Variants in SH3GL3 observed in about 807,000 individuals in gnomAD.
The protein encoded by SH3GL3 is endophilin-A3.
A neutral mutation model predicts 47.7 loss-of-function variants in SH3GL3; 33 were observed. The ratio of observed to expected loss-of-function variants is 0.69; its 90% CI spans 0.52 to 0.92. The LOEUF is 0.92. Among genes scored for constraint, SH3GL3 ranks in the 40% least tolerant of loss-of-function variants. SH3GL3 has a pLI of 0.00. For synonymous variants in SH3GL3, 155 were observed against 148.8 expected (o/e 1.04, Z -0.30); for missense variants, 363 against 417.8 (o/e 0.87, Z 1.14).
In SH3GL3 at chr15:83,448,442, A is replaced by ATGTG. The variant is rs71156081; in HGVS notation, c.45+900_45+903dup. ...AAACAGGAGGGGAGACATGAAATTG[A>ATGTG]TGTGTGTGTGTGTGTGTGTGTGTGT... is the stretch of plus-strand genomic sequence containing the variant. On this transcript the variant is annotated intron_variant, in intron 1 of 8. Transcript: ENST00000427482. This position sits in a 1 kb window ranked among gnomAD's most constrained non-coding sequence, Gnocchi z 4.2. 0.046 allele frequency among the ~76,000 whole-genome samples: 6,507 copies of ATGTG among 140,650 alleles called. 176 individuals carry two copies. The highest frequency in any genetic ancestry group is 0.066 in the African/African-American group (2,390 of 36,376). The allele number at this position is 140,650 out of a possible 152,430, so 92.3% of individuals were successfully genotyped here.
chr15:83,460,848 G>T (rs1488131243), intron 1 of SH3GL3, among the ~76,000 whole-genome samples: 1 of 152,112 alleles, frequency 6.6e-6, no homozygotes, highest in Non-Finnish European at 1.5e-5. Context: ...ACTTTGGGAG[G>T]CCGTGGCAGG....
intron 1 of SH3GL3, among the ~76,000 whole-genome samples, chr15:83,509,379 C>T (rs536039903): frequency 2.0e-5 from 3 of 152,280 alleles, no homozygotes; most frequent in Non-Finnish European, 2.9e-5. Flanking sequence ...CTCGTAAGTT[C>T]GTGTTTGCTT....
chr15:83,597,823 T>G (rs1243183530), intron 8 of SH3GL3, among the ~76,000 whole-genome samples: 1 of 152,158 alleles, frequency 6.6e-6, no homozygotes, highest in Non-Finnish European at 1.5e-5. Flanking sequence ...TTGGCCAGGC[T>G]GGTTGCGAAC....
intron 1 of SH3GL3, among the ~76,000 whole-genome samples, chr15:83,486,434 T>C (rs2041599235): frequency 6.6e-6 from 1 of 152,192 alleles, no homozygotes; most frequent in Non-Finnish European, 1.5e-5. Flanking sequence ...AATCACTAAT[T>C]ATCCTCTGCC....
downstream of SH3GL3, among the ~76,000 whole-genome samples, chr15:83,623,725 G>A (rs1265369930): frequency 6.6e-6 from 1 of 152,182 alleles, no homozygotes; most frequent in Non-Finnish European, 1.5e-5. Flanking sequence ...CAAGCTTATC[G>A]CTCTGGCTTC....
At chr15:83,461,888 A>G (rs563091671) in intron 1 of SH3GL3, among the ~76,000 whole-genome samples, 1 of 152,320 alleles carries the variant, frequency 6.6e-6, no homozygotes, top group East Asian at 1.9e-4. Flanking sequence ...TTTACATACA[A>G]ATTAGTCTTG....
intron 1 of SH3GL3, among the ~76,000 whole-genome samples, chr15:83,457,772 A>C (rs1442217328): frequency 6.6e-6 from 1 of 152,072 alleles, no homozygotes; most frequent in Non-Finnish European, 1.5e-5. Flanking sequence ...CTTTTTTTTA[A>C]AGTCAGGGTG....
chr15:83,558,719 C>T (rs575877248), intron 1 of SH3GL3, among the ~76,000 whole-genome samples: 2 of 152,220 alleles, frequency 1.3e-5, no homozygotes, highest in South Asian at 2.1e-4. Context: ...CCTTCAGTGC[C>T]GCCCGATGAA....
At chr15:83,621,869 G>T (rs1196394177), downstream of SH3GL3, among the ~76,000 whole-genome samples, 1 of 152,242 alleles carries the variant, frequency 6.6e-6, no homozygotes, top group Middle Eastern at 3.4e-3. Flanking sequence ...ACAAATGCCC[G>T]GAAGCCAGAC....
chr15:83,572,460 C>A, intron 4 of SH3GL3, 105 bp from the exon 5 acceptor site: 1 of 949,630 alleles, frequency 1.1e-6, no homozygotes, highest in South Asian at 1.7e-5. Flanking sequence ...AAGGACCTTG[C>A]TACACCATCA....
intron 1 of SH3GL3, among the ~76,000 whole-genome samples, chr15:83,543,967 T>C (rs1443899051): frequency 6.6e-6 from 1 of 152,072 alleles, no homozygotes; most frequent in Non-Finnish European, 1.5e-5. Context: ...AACCAACTTT[T>C]TGTTTTGTTG....
chr15:83,559,534 G>C (rs576695038), intron 2 of SH3GL3, among the ~76,000 whole-genome samples: 1 of 152,336 alleles, frequency 6.6e-6, no homozygotes, highest in African/African-American at 2.4e-5. Flanking sequence ...CGAGTAATGA[G>C]ATCGATGTGG....
At chr15:83,559,565 G>A (rs1286517223) in intron 2 of SH3GL3, among the ~76,000 whole-genome samples, 1 of 152,190 alleles carries the variant, frequency 6.6e-6, no homozygotes, top group Non-Finnish European at 1.5e-5. Flanking sequence ...CCCTCTAGTG[G>A]CCAGAAGTCA....
intron 1 of SH3GL3, among the ~76,000 whole-genome samples, chr15:83,510,483 T>C (rs2042701332): frequency 6.6e-6 from 1 of 152,212 alleles, no homozygotes; most frequent in Non-Finnish European, 1.5e-5. Flanking sequence ...TGTAAAGACA[T>C]TGTGTTTGCC....
At chr15:83,631,339 G>T in the SH3GL3 span, among the ~76,000 whole-genome samples, 1 of 152,174 alleles carries the variant, frequency 6.6e-6, no homozygotes, top group Non-Finnish European at 1.5e-5. Context: ...AAGAATGGTG[G>T]TCCTCTTCTC....
intron 1 of SH3GL3, among the ~76,000 whole-genome samples, chr15:83,460,895 C>T (rs2040261512): frequency 6.6e-6 from 1 of 151,952 alleles, no homozygotes; most frequent in Non-Finnish European, 1.5e-5. Flanking sequence ...CCAGCCAGAC[C>T]AACATGGTGA....
intron 1 of SH3GL3, among the ~76,000 whole-genome samples, chr15:83,516,404 AAGT>A (rs2042981450): frequency 6.6e-6 from 1 of 152,158 alleles, no homozygotes; most frequent in African/African-American, 2.4e-5. Context: ...TTTACAACCT[AAGT>A]AGGTGTATTA....
chr15:83,597,347 A>C (rs1326170954), intron 8 of SH3GL3, among the ~76,000 whole-genome samples: 1 of 151,902 alleles, frequency 6.6e-6, no homozygotes, highest in Non-Finnish European at 1.5e-5. Context: ...ACCCACATAA[A>C]CCCAGGGTAA....
intron 1 of SH3GL3, among the ~76,000 whole-genome samples, chr15:83,508,700 C>T (rs1479868234): frequency 6.6e-6 from 1 of 152,164 alleles, no homozygotes; most frequent in East Asian, 1.9e-4. Context: ...GCCTCAGCCT[C>T]CCAAGTAGCT....
Sources: gnomAD v4.1 joint callset for allele counts (sites outside exome capture counted in the v4.1 genomes callset) on GRCh38, gnomAD v4.1.1 for gene constraint, Gnocchi (gnomAD v3.1) non-coding constraint, MANE v1.5 for transcripts, NCBI Gene and HGNC (gene_info 2026-07-23, HGNC 2026-07-21) for gene names.